Variants in MAP3K20 observed in about 807,000 individuals in gnomAD.
The protein encoded by MAP3K20 is HCCS-4.
Under a neutral mutation model 85.7 loss-of-function variants are expected in MAP3K20, and 40 were observed. The observed-to-expected ratio is 0.47, with a 90% CI of 0.36 to 0.61. MAP3K20 has a LOEUF of 0.61. Among genes scored for constraint, MAP3K20 ranks in the 20% least tolerant of loss-of-function variants. The probability of loss-of-function intolerance (pLI) is 0.00; values close to 1 mark genes in which losing one functional copy is unlikely to be tolerated. For synonymous variants in MAP3K20, 325 were observed against 327.7 expected, an observed-to-expected ratio of 0.99 and a Z score of 0.09; for missense variants, 817 against 961.7, an observed-to-expected ratio of 0.85 and a Z score of 1.99.
chr2:173,090,828 A>G, intron 1 of MAP3K20, 170 bp from the exon 2 acceptor site: 5 of 1,266,796 alleles, frequency 3.9e-6, no homozygotes, highest in East Asian at 3.3e-5. Flanking sequence ...GTGGGCTGCC[A>G]GGGTGAGTGT....
At chr2:173,217,386 G>A (rs1453409897) in intron 11 of MAP3K20, 136 bp downstream of exon 11, 19 of 1,050,152 alleles carry the variant, frequency 1.8e-5, no homozygotes, top group East Asian at 9.2e-5. Flanking sequence ...GTATTAAAGG[G>A]CCCGCGTGTG....
At chr2:173,240,515 G>A (rs991529658) in intron 16 of MAP3K20, among the ~76,000 whole-genome samples, 2 of 152,166 alleles carry the variant, frequency 1.3e-5, no homozygotes, top group Non-Finnish European at 2.9e-5. Flanking sequence ...TTAAAAATGG[G>A]CAAAAGATCT....
chr2:173,232,173 T>C lies in MAP3K20; in HGVS notation c.1033-19T>C, dbSNP rs751237149. 6 of 1,614,216 alleles carry C rather than the reference T, an allele frequency of 3.7e-6. No homozygotes were observed. In the Admixed American group the frequency reaches 6.7e-5, roughly 18 times the overall value. On this transcript the variant is annotated intron_variant, in intron 12 of 19. Coordinates refer to ENST00000375213, the MANE Select transcript of MAP3K20 (RefSeq NM_016653.3). The stretch of plus-strand genomic sequence containing the variant: ...CCATGTGTGAATCTTCAAAACCGTA[T>C]GTGTCCTCTCTTTCACAGTATTGTT...
chr2:173,200,048 A>G (rs1690993579), intron 8 of MAP3K20, among the ~76,000 whole-genome samples: 1 of 152,204 alleles, frequency 6.6e-6, no homozygotes, highest in South Asian at 2.1e-4. Flanking sequence ...AATACTTCCC[A>G]CACTGTATTC....
intron 2 of MAP3K20, among the ~76,000 whole-genome samples, chr2:173,110,167 A>G (rs181475928): frequency 2.1e-5 from 3 of 140,292 alleles, no homozygotes; most frequent in Admixed American, 7.3e-5. Context: ...CTTGATATAT[A>G]TAAATAATAA....
chr2:173,217,281 A>G, intron 11 of MAP3K20, 31 bp downstream of exon 11: 1 of 1,517,678 alleles, frequency 6.6e-7, no homozygotes, highest in Non-Finnish European at 8.8e-7. Context: ...CCGTCTTTCC[A>G]CATGCGGCTC....
In MAP3K20 at chr2:173,091,208, T is replaced by C. The variant is rs752124568; in HGVS notation, c.159+18T>C. The C allele has an allele frequency of 2.1e-5, 33 of 1,605,180 alleles. No homozygotes were observed. Among genetic ancestry groups the C allele is most frequent in the Non-Finnish European group, 2.6e-5 (30 of 1,174,986 alleles). On this transcript the variant is annotated intron_variant, in intron 2 of 19. Coordinates refer to ENST00000375213, the MANE Select transcript of MAP3K20 (RefSeq NM_016653.3). ...AGAAAGAGGTAAGGTCTTTTCCAGC[T>C]GACAGAAACAGTCACGATACCATTT...
intron 16 of MAP3K20, among the ~76,000 whole-genome samples, chr2:173,241,053 G>T (rs1363999647): frequency 6.6e-6 from 1 of 152,170 alleles, no homozygotes; most frequent in African/African-American, 2.4e-5. Flanking sequence ...TGAACTCATG[G>T]AGATAGTAGA....
intron 1 of MAP3K20, among the ~76,000 whole-genome samples, chr2:173,079,756 T>G (rs1352188341): frequency 1.3e-5 from 2 of 152,182 alleles, no homozygotes. Flanking sequence ...TATCACTGTT[T>G]TCTACCTCCA....
Position 173,169,883 on chromosome 2 carries a change from A to G in MAP3K20, c.238A>G (p.Ile80Val), listed in dbSNP as rs1689949625. ...GVILEPPNYG[I>V]VTEYASLGSL... is the part of the protein sequence containing the mutation. ...AATTCTTGAACCTCCCAACTATGGC[A>G]TTGTCACAGGTAAGAATTCAGTGTT... The change falls in exon 3 of 20, where the codon ATT becomes GTT. Residue 80 changes from isoleucine to valine, a missense_variant. Physicochemically the swap from Ile to Val is conservative, Grantham distance 29. This residue lies in a region of MAP3K20 where 200 missense variants were observed against 302.7 expected (regional missense o/e 0.66). Coordinates refer to ENST00000375213, the MANE Select transcript of MAP3K20 (RefSeq NM_016653.3). The G allele has an allele frequency of 1.2e-6, 2 of 1,613,582 alleles. No homozygotes were observed. Among genetic ancestry groups the G allele is most frequent in the Admixed American group, 1.7e-5 (1 of 59,942 alleles).
intron 12 of MAP3K20, 57 bp downstream of exon 12, chr2:173,229,790 C>G: frequency 6.2e-7 from 1 of 1,600,098 alleles, no homozygotes; most frequent in Non-Finnish European, 8.6e-7. Flanking sequence ...ATAAATTTTT[C>G]CCTAAGTTTT....
At chr2:173,145,018 A>G (rs1258648009) in intron 2 of MAP3K20, among the ~76,000 whole-genome samples, 1 of 152,166 alleles carries the variant, frequency 6.6e-6, no homozygotes, top group Non-Finnish European at 1.5e-5. Context: ...GTGCTGGAGG[A>G]GTAGGATATG....
chr2:173,097,726 T>C (rs765266557), intron 2 of MAP3K20, among the ~76,000 whole-genome samples: 3 of 152,162 alleles, frequency 2.0e-5, no homozygotes, highest in African/African-American at 7.2e-5. Context: ...TATTTATAGA[T>C]AAGGAGAGAA....
chr2:173,233,206 G>A (rs562992403), intron 14 of MAP3K20, among the ~76,000 whole-genome samples: 1 of 152,280 alleles, frequency 6.6e-6, no homozygotes, highest in African/African-American at 2.4e-5. Flanking sequence ...AATCCATCAG[G>A]AATCCCTAAG....
chr2:173,105,431 G>T (rs1358783607), intron 2 of MAP3K20, among the ~76,000 whole-genome samples: 1 of 152,190 alleles, frequency 6.6e-6, no homozygotes, highest in East Asian at 1.9e-4. Flanking sequence ...TTGTGAGCAG[G>T]TCGAGTTCTT....
chr2:173,234,643 A>G (rs1237423479), intron 14 of MAP3K20, among the ~76,000 whole-genome samples: 1 of 152,262 alleles, frequency 6.6e-6, no homozygotes, highest in Non-Finnish European at 1.5e-5. Context: ...CAGAGAGAAC[A>G]AAGAGTTAAG....
intron 2 of MAP3K20, among the ~76,000 whole-genome samples, chr2:173,160,826 A>G (rs776464108): frequency 2.0e-5 from 3 of 152,210 alleles, no homozygotes; most frequent in Non-Finnish European, 4.4e-5. Context: ...TATTTATGAT[A>G]CTGGCCCTGG....
At chr2:173,182,317 C>T (rs1030636326) in intron 3 of MAP3K20, among the ~76,000 whole-genome samples, 4 of 152,170 alleles carry the variant, frequency 2.6e-5, no homozygotes, top group Admixed American at 2.6e-4. Flanking sequence ...ACTTTATGAA[C>T]TTACTAAAAA....
chr2:173,260,267 C>G (rs1379507785), intron 17 of MAP3K20, among the ~76,000 whole-genome samples: 2 of 152,114 alleles, frequency 1.3e-5, no homozygotes, highest in Non-Finnish European at 2.9e-5. Context: ...ACTTGAGAGG[C>G]TCAGCCTTGA....
Sources: gnomAD v4.1 joint callset for allele counts (sites outside exome capture counted in the v4.1 genomes callset) on GRCh38, gnomAD v4.1.1 for gene constraint, gnomAD v4.1.1 regional missense constraint, MANE v1.5 for transcripts, NCBI Gene and HGNC (gene_info 2026-07-23, HGNC 2026-07-21) for gene names.